The following DLG2 variants were observed in gnomAD, a reference collection of about 807,000 sequenced individuals.
The protein encoded by DLG2 is discs large MAGUK scaffold protein 2.
Under a neutral mutation model 132.5 loss-of-function variants are expected in DLG2, and 45 were observed. The observed-to-expected ratio is 0.34, with a 90% CI of 0.27 to 0.44. DLG2 has a LOEUF of 0.44. Among genes scored for constraint, DLG2 ranks in the 20% least tolerant of loss-of-function variants. The pLI is 1.00. For missense variants in DLG2, 1,045 were observed against 1,196.9 expected, an observed-to-expected ratio of 0.87 and a Z score of 1.87; for synonymous variants, 424 against 419.6, an observed-to-expected ratio of 1.01 and a Z score of -0.13.
intron 3 of DLG2, among the ~76,000 whole-genome samples, chr11:85,404,275 TG>T (rs2088496480): frequency 6.6e-6 from 1 of 151,800 alleles, no homozygotes; most frequent in African/African-American, 2.4e-5. Context: ...TCAAGAAGAG[TG>T]CACAGAGGTG....
intron 6 of DLG2, among the ~76,000 whole-genome samples, chr11:85,079,028 G>T (rs1430253550): frequency 6.6e-6 from 1 of 151,948 alleles, no homozygotes; most frequent in African/African-American, 2.4e-5. Context: ...TTTTAGGGGG[G>T]GGGTCTGAGA....
intron 21 of DLG2, among the ~76,000 whole-genome samples, chr11:83,515,451 T>C (rs1211596650): frequency 6.6e-6 from 1 of 152,212 alleles, no homozygotes; most frequent in Non-Finnish European, 1.5e-5. Context: ...TCTATCGATT[T>C]TGTTGATCTT....
At chr11:84,621,313 T>C (rs2099613515) in intron 6 of DLG2, among the ~76,000 whole-genome samples, 1 of 152,120 alleles carries the variant, frequency 6.6e-6, no homozygotes, top group African/African-American at 2.4e-5. Flanking sequence ...GTGAGAAGAA[T>C]GAACTGGAGT....
intron 4 of DLG2, among the ~76,000 whole-genome samples, chr11:85,202,592 A>C (rs1360825484): frequency 1.3e-5 from 2 of 152,144 alleles, no homozygotes; most frequent in African/African-American, 4.8e-5. Flanking sequence ...TACAGAATAA[A>C]TATTCTTTCC....
chr11:83,588,216 G>T (rs969382252), intron 19 of DLG2, among the ~76,000 whole-genome samples: 1 of 151,638 alleles, frequency 6.6e-6, no homozygotes, highest in Non-Finnish European at 1.5e-5. Flanking sequence ...AGTAACCTCT[G>T]CAGACTTAAA....
At chr11:84,628,470 T>C (rs970065493) in intron 6 of DLG2, among the ~76,000 whole-genome samples, 2 of 152,232 alleles carry the variant, frequency 1.3e-5, no homozygotes, top group African/African-American at 4.8e-5. Context: ...CAAATTATCC[T>C]AGAATATTTC....
chr11:84,255,115 G>A (rs1366596173), intron 7 of DLG2, among the ~76,000 whole-genome samples: 1 of 152,126 alleles, frequency 6.6e-6, no homozygotes, highest in Non-Finnish European at 1.5e-5. Context: ...TGGCCTATGA[G>A]TGTGCTCTTC....
intron 3 of DLG2, among the ~76,000 whole-genome samples, chr11:85,514,799 G>A (rs935422474): frequency 6.6e-6 from 1 of 151,866 alleles, no homozygotes; most frequent in East Asian, 1.9e-4. Context: ...GTTTCAGGAA[G>A]GAGTCACTCC....
chr11:84,574,665 T>C lies in DLG2; in HGVS notation c.358-39934A>G, dbSNP rs937856475. Reference sequence around the variant, plus strand: ...AGCACATACTTTACTATGCCTGCTATCACAGTGAAAGTTTCAGAGGTCCAT... The same window carrying C: ...AGCACATACTTTACTATGCCTGCTACCACAGTGAAAGTTTCAGAGGTCCAT... On this transcript the variant is annotated intron_variant, in intron 6 of 27. Transcript: ENST00000376104. 1.8e-4 allele frequency among the ~76,000 whole-genome samples: 28 copies of C among 152,198 alleles called. 1 individual carries two copies. The highest frequency in any genetic ancestry group is 3.7e-4 in the Non-Finnish European group (25 of 68,034).
intron 11 of DLG2, among the ~76,000 whole-genome samples, chr11:84,039,371 C>T (rs11233883): frequency 8.3e-6 from 1 of 119,842 alleles, no homozygotes; most frequent in Non-Finnish European, 1.7e-5. Context: ...CCTCCCCCCG[C>T]CCCCCACCCC....
rs1325363726 is a variant in DLG2, at chr11:83,457,737, A to G, written c.*2081T>C. On this transcript the variant is annotated 3_prime_UTR_variant, in exon 28 of 28. Coordinates refer to ENST00000376104, the MANE Select transcript of DLG2 (RefSeq NM_001142699.3). The stretch of plus-strand genomic sequence containing the variant: ...TGGTGTCAGAAAACTTCTGGGAGCA[A>G]TATTGATGAAAGTAGGCCTTGACCT... 6.6e-6 allele frequency: 1 copy of G among 152,496 alleles called. No individual in the cohort carries two copies. Among genetic ancestry groups the G allele is most frequent in the African/African-American group, 2.4e-5 (1 of 41,448 alleles). 9.4% of individuals were successfully genotyped at this position (152,496 alleles called of 1,614,324 possible). A position where few individuals can be genotyped will look rare whatever the true frequency, so the allele number is the denominator to read the frequency against.
intron 7 of DLG2, among the ~76,000 whole-genome samples, chr11:84,481,050 T>C (rs2099136125): frequency 6.6e-6 from 1 of 152,012 alleles, no homozygotes; most frequent in African/African-American, 2.4e-5. Flanking sequence ...AGTAATCTCA[T>C]TTATAAATAA....
Position 85,111,662 on chromosome 11 carries a change from G to T in DLG2, c.356C>A (p.Thr119Asn). The change falls in exon 6 of 28, where the codon ACT (threonine) becomes AAT (asparagine). Residue 119 changes from threonine (T) to asparagine (N), a missense_variant and splice_region_variant. Physicochemically the swap from Thr to Asn is moderately conservative, Grantham distance 65. This residue lies in a region of DLG2 where 277 missense variants were observed against 238.2 expected (regional missense o/e 1.16). Coordinates refer to ENST00000376104, the MANE Select transcript of DLG2 (RefSeq NM_001142699.3). ...TAATCTTGGAATAATCAAACTTACA[G>T]TACAGTGGTGGACAGGCATCCAAGC... ...APAWMPVHHC[T>N]KYRYQDEDAP... 6.4e-7 allele frequency: 1 copy of T among 1,557,628 alleles called. No individual in the cohort carries two copies. The highest frequency in any genetic ancestry group is 2.4e-5 in the East Asian group (1 of 41,626).
chr11:85,021,063 G>T (rs1278936512), intron 6 of DLG2: 25 of 773,116 alleles, frequency 3.2e-5, no homozygotes, highest in South Asian at 1.2e-4. Flanking sequence ...TCCCAGGAGA[G>T]AATCCACTTT....
chr11:84,458,752 A>G (rs915212548), intron 7 of DLG2, among the ~76,000 whole-genome samples: 1 of 150,720 alleles, frequency 6.6e-6, no homozygotes, highest in Non-Finnish European at 1.5e-5. Context: ...TGTCCTTCAA[A>G]GCCAAGATCA....
chr11:83,544,938 T>C (rs997941403), intron 19 of DLG2, among the ~76,000 whole-genome samples: 4 of 152,166 alleles, frequency 2.6e-5, no homozygotes, highest in African/African-American at 9.6e-5. Context: ...CCAAAGACTT[T>C]TAACCTTCCC....
chr11:85,264,514 C>T (rs539772346), intron 4 of DLG2, among the ~76,000 whole-genome samples: 1 of 152,248 alleles, frequency 6.6e-6, no homozygotes, highest in South Asian at 2.1e-4. Flanking sequence ...TGCCAGCCAT[C>T]ATTAGATACA....
At chr11:85,086,617 A>C (rs2154174070) in intron 6 of DLG2, among the ~76,000 whole-genome samples, 1 of 152,296 alleles carries the variant, frequency 6.6e-6, no homozygotes, top group Admixed American at 6.5e-5. Context: ...AATTCAGTTA[A>C]GCTAAAGCAA....
intron 6 of DLG2, among the ~76,000 whole-genome samples, chr11:85,017,528 C>T (rs1047929524): frequency 6.6e-6 from 1 of 152,170 alleles, no homozygotes. Context: ...AAACTGTAAT[C>T]CAATATTCTT....
Sources: allele counts gnomAD v4.1 joint callset (sites outside exome capture counted in the v4.1 genomes callset), GRCh38; gene constraint gnomAD v4.1.1; regional missense constraint gnomAD v4.1.1; transcripts MANE v1.5; gene names NCBI Gene and HGNC (gene_info 2026-07-23, HGNC 2026-07-21).